NLRP11: variants seen among roughly 807,000 people sequenced by gnomAD.
The protein encoded by NLRP11 is NLR family pyrin domain containing 11, also known as NACHT, LRR and PYD domains-containing protein 11.
A neutral mutation model predicts 79.3 loss-of-function variants in NLRP11; 53 were observed. That is an observed-to-expected ratio of 0.67 (90% CI 0.54 to 0.84). NLRP11 has a LOEUF of 0.84. NLRP11 is among the 40% of genes least tolerant of loss of function. The pLI, the probability that NLRP11 is intolerant of heterozygous loss-of-function variation, is 0.00. For missense variants in NLRP11, 1,264 were observed against 1,255.0 expected, an observed-to-expected ratio of 1.01 and a Z score of -0.11; for synonymous variants, 518 against 462.6, an observed-to-expected ratio of 1.12 and a Z score of -1.54.
intron 9 of NLRP11, among the ~76,000 whole-genome samples, chr19:55,788,265 C>G (rs539503402): frequency 6.6e-6 from 1 of 152,044 alleles, no homozygotes; most frequent in South Asian, 2.1e-4. Flanking sequence ...TTTTGGTCTA[C>G]GTCAAGTATA....
chr19:55,793,767 T>A (rs1978530149), intron 6 of NLRP11, among the ~76,000 whole-genome samples: 1 of 152,052 alleles, frequency 6.6e-6, no homozygotes. Flanking sequence ...ATGTAGTTAT[T>A]TTAATTTGGG....
At chr19:55,817,378 A>G (rs549327692) in intron 2 of NLRP11, among the ~76,000 whole-genome samples, 84 of 152,298 alleles carry the variant, frequency 5.5e-4, no homozygotes, top group African/African-American at 1.9e-3. Context: ...ACACACATTT[A>G]TAGTGGCACA....
At chr19:55,832,038 C>T (rs1203798547), upstream of NLRP11, 3 of 152,258 alleles carry the variant, frequency 2.0e-5, no homozygotes, top group Admixed American at 1.3e-4. Context: ...GCGGTGCCTG[C>T]CCGGTGATTA....
At chr19:55,815,938 T>TG (rs74179640) in intron 2 of NLRP11, among the ~76,000 whole-genome samples, 21,273 of 152,142 alleles carry the variant, frequency 0.14, 1,565 homozygotes, top group Middle Eastern at 0.18. Flanking sequence ...GTCGAGGTTA[T>TG]GAGCCTTGAC....
chr19:55,807,521 C>T (rs1201859744), intron 4 of NLRP11, among the ~76,000 whole-genome samples: 1 of 151,986 alleles, frequency 6.6e-6, no homozygotes, highest in Admixed American at 6.6e-5. Flanking sequence ...GTAAACAGGC[C>T]AATGAGATGC....
At chr19:55,808,627 T>A in intron 3 of NLRP11, 142 bp downstream of exon 3, 1 of 761,112 alleles carries the variant, frequency 1.3e-6, no homozygotes, top group South Asian at 1.8e-5. Context: ...CAGAGAGATT[T>A]AAGTCACTGG....
chr19:55,801,592 T>C (rs1316373482), exon 5 of NLRP11: 10 of 1,614,020 alleles, frequency 6.2e-6, no homozygotes, highest in Admixed American at 5.0e-5. Context: ...TTATTTGGCA[T>C]GTGGGCTCGT....
chr19:55,806,506 A>G (rs1011617003), intron 4 of NLRP11, among the ~76,000 whole-genome samples: 4 of 152,106 alleles, frequency 2.6e-5, no homozygotes, highest in Admixed American at 2.0e-4. Flanking sequence ...CGGAGTTCGC[A>G]CCTCACCAAC....
chr19:55,788,679 G>A, intron 9 of NLRP11, 128 bp downstream of exon 9: 1 of 624,310 alleles, frequency 1.6e-6, no homozygotes, highest in Non-Finnish European at 2.6e-6. Context: ...GGCTGATGTT[G>A]CAATGAGCCA....
Position 55,792,486 on chromosome 19 carries a change from G to A in NLRP11, c.2343-15C>T, listed in dbSNP as rs757222843. The A allele has an allele frequency of 8.7e-6, 14 of 1,611,978 alleles. No homozygotes were observed. The highest frequency in any genetic ancestry group is 3.3e-4 in the Middle Eastern group (2 of 6,074). On this transcript the variant is annotated splice_polypyrimidine_tract_variant and intron_variant, in intron 6 of 9. Coordinates refer to ENST00000589093, the Ensembl canonical transcript of NLRP11. Reference sequence around the variant, plus strand: ...AGAAGACTAACCTGCACACAGAGAAGAGTGAGTCAGTGACAGTGTGAGCAC... The same window carrying A: ...AGAAGACTAACCTGCACACAGAGAAAAGTGAGTCAGTGACAGTGTGAGCAC...
intron 5 of NLRP11, 77 bp from the exon 6 acceptor site, chr19:55,796,327 A>AG (rs1316236222): frequency 4.1e-5 from 48 of 1,170,564 alleles, no homozygotes; most frequent in East Asian, 1.7e-4. Context: ...AAAAAAAAAA[A>AG]AGAGAGACCT....
intron 9 of NLRP11, among the ~76,000 whole-genome samples, chr19:55,788,552 A>G (rs1990026790): frequency 6.6e-6 from 1 of 151,762 alleles, no homozygotes; most frequent in Admixed American, 6.6e-5. Context: ...CACCCTGGCC[A>G]ACATGGTGAA....
intron 4 of NLRP11, among the ~76,000 whole-genome samples, chr19:55,804,439 A>ATT (rs56849592): frequency 0.082 from 12,100 of 147,108 alleles, 651 homozygotes; most frequent in East Asian, 0.22. Context: ...AAAAGAGAGC[A>ATT]TTTTTTTTTT....
intron 9 of NLRP11, among the ~76,000 whole-genome samples, 163 bp downstream of exon 9, chr19:55,788,644 G>A (rs1203035082): frequency 6.8e-6 from 1 of 146,662 alleles, no homozygotes; most frequent in African/African-American, 2.5e-5. Flanking sequence ...GGAGGCTGAG[G>A]AAGGAGAATC....
chr19:55,792,889 A>G (rs1208237584), intron 6 of NLRP11, among the ~76,000 whole-genome samples: 1 of 152,190 alleles, frequency 6.6e-6, no homozygotes, highest in Non-Finnish European at 1.5e-5. Context: ...ACTGGGAAAA[A>G]GTGGAGACAG....
At chr19:55,798,077 G>A (rs1024320274) in intron 5 of NLRP11, among the ~76,000 whole-genome samples, 4 of 149,796 alleles carry the variant, frequency 2.7e-5, no homozygotes, top group South Asian at 2.1e-4. Context: ...TCGGCTCACC[G>A]CAACCTCCGC....
chr19:55,801,829 CAA>C (rs1979512937), intron 4 of NLRP11, 90 bp from the exon 5 acceptor site: 1 of 1,051,586 alleles, frequency 9.5e-7, no homozygotes, highest in South Asian at 1.4e-5. Flanking sequence ...CATCCTGTAA[CAA>C]AGATTCTCAG....
At chr19:55,794,996 C>T (rs1484993937) in intron 6 of NLRP11, among the ~76,000 whole-genome samples, 2 of 152,112 alleles carry the variant, frequency 1.3e-5, no homozygotes, top group Non-Finnish European at 2.9e-5. Context: ...CTACTGCATT[C>T]TTTTGTCTTT....
Position 55,785,847 on chromosome 19 carries a change from T to C in NLRP11, c.2880A>G (p.Thr960=), listed in dbSNP as rs1989846996. ...CAGTCATCAGCAACTGCTGGGTTTG[T>C]GTGTTCAGGCCAGTTAATGGAAGCC... The change falls in exon 10 of 10, where the codon ACA becomes ACG. Residue 960 remains threonine (T), a synonymous_variant. Coordinates refer to ENST00000589093, the Ensembl canonical transcript of NLRP11. The C allele has an allele frequency of 3.7e-6, 6 of 1,613,964 alleles. No homozygotes were observed. The African/African-American group carries it at 5.3e-5, about 14-fold the overall frequency.
Sources: allele counts gnomAD v4.1 joint callset (sites outside exome capture counted in the v4.1 genomes callset), GRCh38; gene constraint gnomAD v4.1.1; transcripts MANE v1.5; gene names NCBI Gene and HGNC (gene_info 2026-07-23, HGNC 2026-07-21).